KHDC1: variants seen among roughly 807,000 people sequenced by gnomAD.
KHDC1 encodes the protein KH domain containing 1.
Under a neutral mutation model 24.7 loss-of-function variants are expected in KHDC1, and 21 were observed. That is an observed-to-expected ratio of 0.85 (90% CI 0.60 to 1.23). KHDC1 has a LOEUF of 1.23. KHDC1 is among the 50% of genes most tolerant of loss of function. The pLI, the probability that KHDC1 is intolerant of heterozygous loss-of-function variation, is 0.00. For missense variants in KHDC1, 274 were observed against 298.5 expected, an observed-to-expected ratio of 0.92 and a Z score of 0.61; for synonymous variants, 98 against 111.7, an observed-to-expected ratio of 0.88 and a Z score of 0.77.
At chr6:73,255,241 G>A (rs1305711884) in intron 2 of KHDC1, among the ~76,000 whole-genome samples, 1 of 92,464 alleles carries the variant, frequency 1.1e-5, no homozygotes, top group African/African-American at 5.7e-5. Flanking sequence ...TTTTGAGAAG[G>A]GGGTCTCTCG....
intron 1 of KHDC1, among the ~76,000 whole-genome samples, chr6:73,304,390 T>C (rs1767925806): frequency 6.6e-6 from 1 of 152,188 alleles, no homozygotes; most frequent in Non-Finnish European, 1.5e-5. Context: ...AAAATATGCA[T>C]ATATTACATA....
At chr6:73,285,388 G>A (rs1272603546) in intron 2 of KHDC1, among the ~76,000 whole-genome samples, 1 of 150,632 alleles carries the variant, frequency 6.6e-6, no homozygotes, top group Non-Finnish European at 1.5e-5. Context: ...CTGGAGTGCA[G>A]TGGCACGATC....
intron 2 of KHDC1, among the ~76,000 whole-genome samples, chr6:73,261,464 T>A (rs116341721): frequency 0.019 from 2,859 of 151,640 alleles, 65 homozygotes; most frequent in African/African-American, 0.055. Context: ...AAATTTTTTT[T>A]AAAAAAATAA....
At chr6:73,273,892 G>A (rs753852034) in intron 2 of KHDC1, among the ~76,000 whole-genome samples, 3 of 152,176 alleles carry the variant, frequency 2.0e-5, no homozygotes, top group Admixed American at 6.5e-5. Flanking sequence ...GCAAAGGTGG[G>A]AGGATCACTT....
chr6:73,300,965 C>G (rs1767863915), intron 1 of KHDC1: 1 of 152,132 alleles, frequency 6.6e-6, no homozygotes, highest in Non-Finnish European at 1.5e-5. Context: ...GCCTGTAATC[C>G]CAGCACTTTG....
At chr6:73,242,133 C>T (rs779214439) in exon 4 of KHDC1, 17 of 1,614,016 alleles carry the variant, frequency 1.1e-5, no homozygotes, top group African/African-American at 1.3e-5. Flanking sequence ...CTGTGTGGTC[C>T]GACTACAGTC....
chr6:73,266,712 G>T (rs942006724), intron 2 of KHDC1, among the ~76,000 whole-genome samples: 1 of 152,136 alleles, frequency 6.6e-6, no homozygotes, highest in Non-Finnish European at 1.5e-5. Context: ...TGATTTCTCA[G>T]ATATGACTCC....
intron 2 of KHDC1, chr6:73,290,277 A>C (rs948417075): frequency 1.1e-4 from 17 of 161,628 alleles, no homozygotes; most frequent in African/African-American, 3.7e-4. Context: ...CTTCATCCCA[A>C]AAAAAAAAAG....
intron 2 of KHDC1, chr6:73,269,947 T>A (rs1274566934): frequency 6.6e-6 from 1 of 152,080 alleles, no homozygotes; most frequent in Non-Finnish European, 1.5e-5. Flanking sequence ...TTTTAATTGT[T>A]TTTATTTTTG....
intron 2 of KHDC1, among the ~76,000 whole-genome samples, chr6:73,257,976 C>T (rs1766910511): frequency 6.6e-6 from 1 of 152,048 alleles, no homozygotes; most frequent in Non-Finnish European, 1.5e-5. Context: ...TAAATTGTGC[C>T]AGGCACAGTG....
intron 2 of KHDC1, among the ~76,000 whole-genome samples, chr6:73,251,579 T>C (rs990950799): frequency 5.9e-5 from 9 of 152,198 alleles, no homozygotes; most frequent in African/African-American, 2.2e-4. Flanking sequence ...TTTTTAAGTA[T>C]CACTGTCTGT....
At chr6:73,299,660 C>G (rs1193397680) in intron 1 of KHDC1, 3 of 153,032 alleles carry the variant, frequency 2.0e-5, no homozygotes, top group African/African-American at 7.2e-5. Context: ...GGATTGCACG[C>G]CTAGCTCAGA....
chr6:73,276,489 A>C (rs1431406845), intron 2 of KHDC1: 2 of 108,878 alleles, frequency 1.8e-5, no homozygotes, highest in Non-Finnish European at 3.9e-5. Context: ...TTCATCTCAA[A>C]AAAAGAAAAG....
intron 2 of KHDC1, among the ~76,000 whole-genome samples, chr6:73,260,115 C>T (rs1434611828): frequency 6.6e-6 from 1 of 152,166 alleles, no homozygotes; most frequent in African/African-American, 2.4e-5. Flanking sequence ...TTCCTCATTC[C>T]TACTTTAGAG....
chr6:73,291,049 A>G, intron 2 of KHDC1: 2 of 410,740 alleles, frequency 4.9e-6, no homozygotes, highest in South Asian at 3.8e-5. Flanking sequence ...GCTGCAGCTG[A>G]AAAAGGAGGA....
chr6:73,260,310 C>T (rs1766956634), intron 2 of KHDC1, among the ~76,000 whole-genome samples: 1 of 152,144 alleles, frequency 6.6e-6, no homozygotes. Context: ...TAATTAGCCC[C>T]TAACCCACCC....
At chr6:73,270,808 A>G (rs1767164240) in intron 2 of KHDC1, among the ~76,000 whole-genome samples, 1 of 151,202 alleles carries the variant, frequency 6.6e-6, no homozygotes, top group Admixed American at 6.6e-5. Flanking sequence ...CTCCTGCCTC[A>G]GCCTCCCGAG....
intron 2 of KHDC1, among the ~76,000 whole-genome samples, chr6:73,287,692 A>G (rs1055892607): frequency 1.3e-5 from 2 of 152,232 alleles, no homozygotes; most frequent in Non-Finnish European, 2.9e-5. Flanking sequence ...AGAAATAGCC[A>G]AACATCATAG....
chr6:73,285,217 A>G (rs543057460), intron 2 of KHDC1, among the ~76,000 whole-genome samples: 2 of 152,230 alleles, frequency 1.3e-5, no homozygotes, highest in East Asian at 3.9e-4. Context: ...AGACAATGTT[A>G]CTTTTTATTC....
Sources: allele counts gnomAD v4.1 joint callset (sites outside exome capture counted in the v4.1 genomes callset), GRCh38; gene constraint gnomAD v4.1.1; transcripts MANE v1.5; gene names NCBI Gene and HGNC (gene_info 2026-07-23, HGNC 2026-07-21).